The following SLC6A11 variants were observed in gnomAD, a reference collection of about 807,000 sequenced individuals.
SLC6A11 encodes sodium- and chloride-dependent GABA transporter 3.
In SLC6A11, 25 loss-of-function variants were observed where a neutral mutation model predicts 74.8. The ratio of observed to expected loss-of-function variants is 0.33; its 90% CI spans 0.24 to 0.47. The LOEUF (loss-of-function observed/expected upper bound fraction) is 0.47, where lower values mean the gene tolerates loss of function less well. SLC6A11 is among the 20% of genes least tolerant of loss of function. The probability of loss-of-function intolerance (pLI) is 1.00; values close to 1 mark genes in which losing one functional copy is unlikely to be tolerated. For missense variants in SLC6A11, 574 were observed against 837.0 expected (o/e 0.69, Z 3.88); for synonymous variants, 330 against 330.2 (o/e 1.00, Z 0.01).
At chr3:10,852,114 C>T (rs768316896) in intron 5 of SLC6A11, among the ~76,000 whole-genome samples, 12 of 152,256 alleles carry the variant, frequency 7.9e-5, no homozygotes, top group South Asian at 6.2e-4. Flanking sequence ...GAACTGAGAG[C>T]GCTGTCTCTG....
intron 4 of SLC6A11, among the ~76,000 whole-genome samples, chr3:10,841,319 G>A (rs1276515297): frequency 6.6e-6 from 1 of 152,054 alleles, no homozygotes; most frequent in Middle Eastern, 3.2e-3. Flanking sequence ...TTTTTCCCAG[G>A]AAGAGCTGTG....
At chr3:10,827,585 A>T (rs1265579760) in intron 4 of SLC6A11, among the ~76,000 whole-genome samples, 1 of 152,206 alleles carries the variant, frequency 6.6e-6, no homozygotes, top group African/African-American at 2.4e-5. Flanking sequence ...AGTCAGGGCC[A>T]CATTGCTCAG....
In SLC6A11 at chr3:10,816,472, G is replaced by T. The variant is rs1348910486; in HGVS notation, c.207G>T (p.Gly69=). The T allele has an allele frequency of 6.2e-7, 1 of 1,605,248 alleles. No individual in the cohort carries two copies. Among genetic ancestry groups the T allele is most frequent in the Admixed American group, 1.7e-5 (1 of 59,496 alleles). ...FVLSVAGEII[G]LGNVWRFPYL... ...TGAGCGTGGCCGGGGAGATCATTGGGCTGGGCAACGTGTGGCGCTTCCCCT... is the reference window on the plus strand; with the variant it reads ...TGAGCGTGGCCGGGGAGATCATTGGTCTGGGCAACGTGTGGCGCTTCCCCT... The change falls in exon 1 of 14, where the codon GGG becomes GGT. Residue 69 remains glycine (G), a synonymous_variant. Coordinates refer to ENST00000254488, the MANE Select transcript of SLC6A11 (RefSeq NM_014229.3). This position sits in a 1 kb window ranked among gnomAD's most constrained non-coding sequence, Gnocchi z 4.2.
chr3:10,824,731 T>C (rs1694184191), intron 4 of SLC6A11: 1 of 152,248 alleles, frequency 6.6e-6, no homozygotes, highest in Non-Finnish European at 1.5e-5. Context: ...ATCCAGGTCC[T>C]CTTGGTCCTC....
At chr3:10,860,308 G>A (rs144855979) in intron 5 of SLC6A11, among the ~76,000 whole-genome samples, 5 of 152,256 alleles carry the variant, frequency 3.3e-5, no homozygotes, top group Middle Eastern at 3.4e-3. Flanking sequence ...CTTCCATTCC[G>A]GCAGTGGAAA....
chr3:10,853,653 G>A (rs1178972200), intron 5 of SLC6A11, among the ~76,000 whole-genome samples: 1 of 152,202 alleles, frequency 6.6e-6, no homozygotes. Context: ...CTTCGTCACT[G>A]GGGAAGTCTC....
chr3:10,819,180 C>A (rs1382793360), intron 1 of SLC6A11, among the ~76,000 whole-genome samples: 1 of 152,140 alleles, frequency 6.6e-6, no homozygotes, highest in Non-Finnish European at 1.5e-5. Flanking sequence ...GAAACAATTT[C>A]TTTTACATTA....
At chr3:10,887,051 G>A (rs995433258) in intron 6 of SLC6A11, among the ~76,000 whole-genome samples, 2 of 152,184 alleles carry the variant, frequency 1.3e-5, no homozygotes, top group Non-Finnish European at 2.9e-5. Context: ...AGTCAGCACT[G>A]GATGAATGTA....
At chr3:10,831,226 G>A (rs1694292070) in intron 4 of SLC6A11, among the ~76,000 whole-genome samples, 1 of 151,948 alleles carries the variant, frequency 6.6e-6, no homozygotes, top group African/African-American at 2.4e-5. Context: ...AGCCAATTTA[G>A]CAATAACCCG....
chr3:10,826,079 A>G (rs188570116), intron 4 of SLC6A11, among the ~76,000 whole-genome samples: 4 of 152,376 alleles, frequency 2.6e-5, no homozygotes, highest in African/African-American at 7.2e-5. Context: ...TTAAAAGTCT[A>G]TTGAACTCAT....
intron 5 of SLC6A11, among the ~76,000 whole-genome samples, chr3:10,863,303 C>T (rs890325251): frequency 1.3e-5 from 2 of 152,316 alleles, no homozygotes; most frequent in African/African-American, 4.8e-5. Flanking sequence ...GGTCACTGTA[C>T]CTGGTGCTGT....
chr3:10,867,202 A>G (rs1694773046), intron 5 of SLC6A11, among the ~76,000 whole-genome samples: 1 of 152,162 alleles, frequency 6.6e-6, no homozygotes, highest in African/African-American at 2.4e-5. Context: ...AGTTGCTGCC[A>G]AATGTCAGGC....
chr3:10,912,865 C>T (rs1160432074), intron 7 of SLC6A11, among the ~76,000 whole-genome samples: 4 of 152,072 alleles, frequency 2.6e-5, no homozygotes, highest in East Asian at 1.9e-4. Flanking sequence ...GTTGAGGTTT[C>T]GGTCCACTGG....
intron 4 of SLC6A11, among the ~76,000 whole-genome samples, chr3:10,827,316 C>A (rs181751429): frequency 3.9e-4 from 60 of 152,294 alleles, no homozygotes; most frequent in African/African-American, 1.4e-3. Context: ...TACTCCACCC[C>A]CTGAATGCTA....
chr3:10,912,786 G>T (rs1695404823), intron 7 of SLC6A11, among the ~76,000 whole-genome samples: 1 of 152,198 alleles, frequency 6.6e-6, no homozygotes, highest in African/African-American at 2.4e-5. Flanking sequence ...GTCGTGGAGG[G>T]CAGGGGACCT....
chr3:10,894,663 G>T (rs965309913), intron 6 of SLC6A11, among the ~76,000 whole-genome samples: 3 of 152,154 alleles, frequency 2.0e-5, no homozygotes, highest in African/African-American at 7.2e-5. Context: ...GGAGAGATTG[G>T]GTCAAAGGAT....
At chr3:10,911,469 G>GA (rs977246277) in intron 6 of SLC6A11, among the ~76,000 whole-genome samples, 16 of 152,154 alleles carry the variant, frequency 1.1e-4, no homozygotes, top group Non-Finnish European at 2.9e-5. Context: ...AGGAAGCCTA[G>GA]AGGGGGGGAG....
chr3:10,926,048 A>C lies in SLC6A11; in HGVS notation c.1165A>C (p.Met389Leu). The C allele has an allele frequency of 6.2e-7, 1 of 1,613,546 alleles. No individual in the cohort carries two copies. Among genetic ancestry groups the C allele is most frequent in the Admixed American group, 1.7e-5 (1 of 59,986 alleles). ...FIAYPKAVTM[M>L]PLSPLWATLF... is the part of the protein sequence containing the mutation. ...TGCGTACCCCAAGGCGGTCACCATG[A>C]TGCCTCTCTCCCCGCTGTGGGCCAC... The change falls in exon 9 of 14, where the codon ATG becomes CTG. Residue 389 changes from methionine (M) to leucine (L), a missense_variant. Physicochemically the swap from Met to Leu is conservative, Grantham distance 15. Transcript: ENST00000254488. The surrounding 1 kb of genome is among the most constrained non-coding windows in gnomAD (Gnocchi z 5.7).
At chr3:10,861,604 A>G (rs1469793329) in intron 5 of SLC6A11, among the ~76,000 whole-genome samples, 3 of 152,194 alleles carry the variant, frequency 2.0e-5, no homozygotes, top group East Asian at 3.9e-4. Flanking sequence ...GCAGAAAACT[A>G]GAAAAGTCCA....
Sources: gnomAD v4.1 joint callset for allele counts (sites outside exome capture counted in the v4.1 genomes callset) on GRCh38, gnomAD v4.1.1 for gene constraint, Gnocchi (gnomAD v3.1) non-coding constraint, MANE v1.5 for transcripts, NCBI Gene and HGNC (gene_info 2026-07-23, HGNC 2026-07-21) for gene names.